MACROD2: variants seen among roughly 807,000 people sequenced by gnomAD.
The protein encoded by MACROD2 is mono-ADP ribosylhydrolase 2.
MACROD2 carries 36 observed loss-of-function variants against 70.4 expected under a neutral mutation model. That is an observed-to-expected ratio of 0.51 (90% confidence interval 0.39 to 0.68). MACROD2 has a LOEUF of 0.68. Among genes scored for constraint, MACROD2 ranks in the 30% least tolerant of loss-of-function variants. The pLI is 0.00. For synonymous variants in MACROD2, 172 were observed against 178.8 expected, an observed-to-expected ratio of 0.96 and a Z score of 0.30; for missense variants, 496 against 538.4, an observed-to-expected ratio of 0.92 and a Z score of 0.78.
intron 3 of MACROD2, among the ~76,000 whole-genome samples, chr20:14,175,050 G>A (rs1161814855): frequency 2.0e-5 from 3 of 152,148 alleles, no homozygotes; most frequent in African/African-American, 7.2e-5. Context: ...CTTGGGGCCT[G>A]CAACAGCAAT....
At chr20:14,719,677 AAT>A (rs2071441407) in intron 5 of MACROD2, among the ~76,000 whole-genome samples, 1 of 152,182 alleles carries the variant, frequency 6.6e-6, no homozygotes, top group Non-Finnish European at 1.5e-5. Context: ...TGAGTGCCAT[AAT>A]ACTTCCCAAA....
At chr20:14,328,425 G>A (rs1243871038) in intron 3 of MACROD2, among the ~76,000 whole-genome samples, 1 of 151,746 alleles carries the variant, frequency 6.6e-6, no homozygotes, top group East Asian at 1.9e-4. Context: ...ATATTTCTTT[G>A]AATTCTAACC....
At chr20:14,856,942 C>T (rs764441225) in intron 5 of MACROD2, among the ~76,000 whole-genome samples, 4 of 152,020 alleles carry the variant, frequency 2.6e-5, no homozygotes, top group African/African-American at 7.3e-5. Flanking sequence ...ATGTCACATG[C>T]GTATCTCAGC....
intron 3 of MACROD2, among the ~76,000 whole-genome samples, chr20:14,424,192 T>G (rs746677970): frequency 2.6e-5 from 4 of 152,206 alleles, no homozygotes; most frequent in Non-Finnish European, 4.4e-5. Flanking sequence ...TGGTGCTACT[T>G]TAACTGTGAA....
chr20:14,283,860 C>T (rs1488252357), intron 3 of MACROD2, among the ~76,000 whole-genome samples: 1 of 152,074 alleles, frequency 6.6e-6, no homozygotes, highest in Non-Finnish European at 1.5e-5. Context: ...TTCCTGTATC[C>T]CAAACTTAAA....
chr20:14,754,141 G>A lies in MACROD2; in HGVS notation c.418+69182G>A, dbSNP rs541228344. 5.3e-5 allele frequency among the ~76,000 whole-genome samples: 8 copies of A among 152,222 alleles called. No homozygotes were observed. In the South Asian group the frequency reaches 1.7e-3, roughly 32 times the overall value. On this transcript the variant is annotated intron_variant, in intron 5 of 17. Transcript: ENST00000684519. ...TGTTTTTTATATTTCTAGTTACCAT[G>A]TTGTATGCCAGATGATCCAGCATTA...
chr20:16,012,471 A>G (rs2066876587), intron 15 of MACROD2, among the ~76,000 whole-genome samples: 1 of 152,114 alleles, frequency 6.6e-6, no homozygotes, highest in Admixed American at 6.5e-5. Flanking sequence ...GCATTTTAAA[A>G]ATCTCCCTGA....
At chr20:15,820,096 A>G (rs2063922891) in intron 8 of MACROD2, among the ~76,000 whole-genome samples, 1 of 152,016 alleles carries the variant, frequency 6.6e-6, no homozygotes, top group Non-Finnish European at 1.5e-5. Flanking sequence ...TCTATATCCT[A>G]GGAGAAGCGA....
chr20:14,619,365 AGGGAGTGAGGGAGG>A, intron 4 of MACROD2, among the ~76,000 whole-genome samples: 1 of 126,284 alleles, frequency 7.9e-6, no homozygotes. Context: ...GAAGGAAGGG[AGGGAGTGAGGGAGG>A]GAAGGAAGGA....
chr20:14,053,207 A>G (rs1306234901), intron 2 of MACROD2: 1 of 152,050 alleles, frequency 6.6e-6, no homozygotes, highest in Non-Finnish European at 1.5e-5. Flanking sequence ...TTGAAGAAGG[A>G]AAAAGAAATA....
At chr20:15,002,441 G>A (rs1200087792) in intron 5 of MACROD2, among the ~76,000 whole-genome samples, 2 of 151,974 alleles carry the variant, frequency 1.3e-5, no homozygotes, top group East Asian at 3.9e-4. Context: ...CATGTCCTTA[G>A]CCCACTTTTC....
intron 9 of MACROD2, among the ~76,000 whole-genome samples, chr20:15,865,066 A>C (rs1033526351): frequency 2.0e-5 from 3 of 152,162 alleles, no homozygotes; most frequent in African/African-American, 7.2e-5. Flanking sequence ...ATTTCCCTAT[A>C]GTGCATTATT....
At chr20:14,717,234 G>C (rs1378974606) in intron 5 of MACROD2, among the ~76,000 whole-genome samples, 1 of 152,074 alleles carries the variant, frequency 6.6e-6, no homozygotes, top group East Asian at 1.9e-4. Context: ...TTCTATATTT[G>C]GAAGTTTACA....
intron 5 of MACROD2, among the ~76,000 whole-genome samples, chr20:15,052,611 T>C (rs1435934571): frequency 6.6e-6 from 1 of 152,194 alleles, no homozygotes; most frequent in East Asian, 1.9e-4. Flanking sequence ...CTCCGACTGC[T>C]CCACTGACCT....
chr20:16,027,897 G>A (rs1031405833), intron 15 of MACROD2, among the ~76,000 whole-genome samples: 1 of 152,186 alleles, frequency 6.6e-6, no homozygotes, highest in South Asian at 2.1e-4. Context: ...GCTGAGAAGG[G>A]CCTCCTTATA....
At chr20:15,884,157 C>T (rs946360677) in intron 9 of MACROD2, among the ~76,000 whole-genome samples, 8 of 152,122 alleles carry the variant, frequency 5.3e-5, no homozygotes, top group Admixed American at 5.2e-4. Flanking sequence ...AGGATGCAAA[C>T]CTAAGCCCAT....
chr20:14,196,935 G>A (rs926104671), intron 3 of MACROD2, among the ~76,000 whole-genome samples: 2 of 152,226 alleles, frequency 1.3e-5, no homozygotes, highest in Non-Finnish European at 2.9e-5. Flanking sequence ...CCAATTATCA[G>A]ATGCTCTCAT....
intron 2 of MACROD2, among the ~76,000 whole-genome samples, chr20:14,070,206 C>T (rs1206790957): frequency 6.6e-6 from 1 of 152,172 alleles, no homozygotes; most frequent in Non-Finnish European, 1.5e-5. Context: ...ACCTCCAGCA[C>T]ACTAGCTACT....
intron 5 of MACROD2, among the ~76,000 whole-genome samples, chr20:15,211,559 G>A (rs925935120): frequency 4.6e-5 from 7 of 152,026 alleles, no homozygotes; most frequent in South Asian, 2.1e-4. Flanking sequence ...ATGAGTCCAC[G>A]TGAGAGCTGG....
Sources: gnomAD v4.1 joint callset for allele counts (sites outside exome capture counted in the v4.1 genomes callset) on GRCh38, gnomAD v4.1.1 for gene constraint, MANE v1.5 for transcripts, NCBI Gene and HGNC (gene_info 2026-07-23, HGNC 2026-07-21) for gene names.